Variants in NOTCH1 observed in about 807,000 individuals in gnomAD.
NOTCH1 encodes the protein neurogenic locus notch homolog protein 1.
A neutral mutation model predicts 254.8 loss-of-function variants in NOTCH1; 37 were observed. The observed-to-expected ratio is 0.15, with a 90% CI of 0.11 to 0.19. NOTCH1 has a LOEUF of 0.19. Ranked by LOEUF, NOTCH1 falls within the 10% of genes least tolerant of loss-of-function variation. The pLI is 1.00. For missense variants in NOTCH1, 2,972 were observed against 3,708.6 expected (o/e 0.80, Z 5.16); for synonymous variants, 1,731 against 1,618.1 (o/e 1.07, Z -1.68).
In NOTCH1 at chr9:136,523,737, C is replaced by A. The variant is rs754086897; in HGVS notation, c.383G>T (p.Arg128Leu). 7 of 1,609,064 alleles carry A rather than the reference C, an allele frequency of 4.4e-6. No homozygotes were observed. The Admixed American group carries it at 6.7e-5, about 15-fold the overall frequency. The change falls in exon 3 of 34, where the codon CGC (arginine) becomes CTC (leucine). Residue 128 changes from arginine to leucine, a missense_variant. Transcript: ENST00000651671. ...DLLTLTEYKC[R>L]CPPGWSGKSC... ...CTCACCTGACCAGCCGGGCGGGCAG[C>A]GGCACTTGTACTCCGTCAGCGTGAG...
chr9:136,511,861 G>C (rs9411253), intron 15 of NOTCH1, among the ~76,000 whole-genome samples: 12,817 of 152,266 alleles, frequency 0.084, 1,333 homozygotes, highest in East Asian at 0.55. Context: ...GGCCACGCAG[G>C]GTGTCTGGCA....
chr9:136,530,101 G>A (rs924195121), intron 2 of NOTCH1, among the ~76,000 whole-genome samples: 9 of 152,206 alleles, frequency 5.9e-5, no homozygotes, highest in African/African-American at 1.9e-4. Flanking sequence ...CCGCCGCTCC[G>A]GAGACAGCGG....
In NOTCH1 at chr9:136,500,620, T is replaced by C; in HGVS notation, c.5866A>G (p.Ile1956Val). ...GGGGTGCGGCCCATGTTGTCCTGGA[T>C]GTTGGCATCTGCGCTGGCCTCCAGC... Reference protein sequence around the residue: ...RLLEASADANIQDNMGRTPLH... With the variant: ...RLLEASADANVQDNMGRTPLH... Residue 1956 changes from isoleucine to valine, a missense_variant, in exon 31 of 34, where the codon ATC becomes GTC. By Grantham distance (29) the Ile-to-Val change is conservative (BLOSUM62 3). Around this residue, in one of 8 missense-constraint regions of NOTCH1, gnomAD observed 421 missense variants for 604.4 expected, o/e 0.70. Coordinates refer to ENST00000651671, the MANE Select transcript of NOTCH1 (RefSeq NM_017617.5). 1 of 1,612,124 alleles carries C rather than the reference T, an allele frequency of 6.2e-7. No homozygotes were observed. Among genetic ancestry groups the C allele is most frequent in the Non-Finnish European group, 8.5e-7 (1 of 1,179,872 alleles).
At position 136,507,440 on chromosome 9, in the gene NOTCH1, G is replaced by A. The variant is rs2133345384; in HGVS notation, c.3511-3C>T. 6.2e-7 allele frequency: 1 copy of A among 1,602,512 alleles called. No individual in the cohort carries two copies. Among genetic ancestry groups the A allele is most frequent in the Non-Finnish European group, 8.5e-7 (1 of 1,175,644 alleles). ...ACCCCGTGGTAGCCGGCCACGCACT[G>A]TGCAGGCGACAGAACGAGGGGCCCT... On this transcript the variant is annotated splice_polypyrimidine_tract_variant and splice_region_variant and intron_variant, in intron 21 of 33. Coordinates refer to ENST00000651671, the MANE Select transcript of NOTCH1 (RefSeq NM_017617.5).
chr9:136,509,891 G>T lies in NOTCH1; in HGVS notation c.2811C>A (p.Phe937Leu). ...TGTCCTCCTCACAGAAAGTGCCCCG[G>T]AAGCCGGGCAGGCAGTCGCAGAAGG... ...NTAFCDCLPG[F>L]RGTFCEEDIN... is the part of the protein sequence containing the mutation. Residue 937 changes from phenylalanine to leucine, a missense_variant, in exon 18 of 34, where the codon TTC becomes TTA. Transcript: ENST00000651671. 6.2e-7 allele frequency: 1 copy of T among 1,613,234 alleles called. No homozygotes were observed. Among genetic ancestry groups the T allele is most frequent in the East Asian group, 2.2e-5 (1 of 44,892 alleles).
At chr9:136,509,315 C>T (rs893420224) in intron 18 of NOTCH1, among the ~76,000 whole-genome samples, 3 of 152,168 alleles carry the variant, frequency 2.0e-5, no homozygotes, top group Admixed American at 6.5e-5. Flanking sequence ...TTTTACCAAA[C>T]GCGTGGGCAT....
chr9:136,495,044 G>A lies in NOTCH1; in HGVS notation c.*1027C>T, dbSNP rs537067416. 3 of 398,918 alleles carry A rather than the reference G, an allele frequency of 7.5e-6. No individual in the cohort carries two copies. The highest frequency in any genetic ancestry group is 1.3e-5 in the Non-Finnish European group (3 of 226,128). 24.7% of individuals were successfully genotyped at this position (398,918 alleles called of 1,614,324 possible). A position where few individuals can be genotyped will look rare whatever the true frequency, so the allele number is the denominator to read the frequency against. ...TCCTACAAAACACGGGAGCCCACGG[G>A]GGGTCGGGTCCCGCGAGCTGGGGCC... On this transcript the variant is annotated 3_prime_UTR_variant, in exon 34 of 34. Coordinates refer to ENST00000651671, the MANE Select transcript of NOTCH1 (RefSeq NM_017617.5).
At chr9:136,533,289 G>A (rs1260881715) in intron 2 of NOTCH1, among the ~76,000 whole-genome samples, 9 of 145,704 alleles carry the variant, frequency 6.2e-5, no homozygotes, top group African/African-American at 1.0e-4. Context: ...CCCCCTCCGC[G>A]CACCAGCCAG....
intron 2 of NOTCH1, chr9:136,543,469 C>T: frequency 7.6e-6 from 2 of 262,928 alleles, no homozygotes; most frequent in South Asian, 3.3e-5. Context: ...GGAGGCATTG[C>T]CGCCAGCCCA....
At chr9:136,526,818 G>C (rs952939659) in intron 2 of NOTCH1, among the ~76,000 whole-genome samples, 1 of 152,210 alleles carries the variant, frequency 6.6e-6, no homozygotes, top group South Asian at 2.1e-4. Context: ...GTCGGTGCTC[G>C]GACAAAGGGC....
At chr9:136,518,318 G>T in intron 6 of NOTCH1, 26 bp from the exon 7 acceptor site, 1 of 1,601,122 alleles carries the variant, frequency 6.2e-7, no homozygotes, top group Non-Finnish European at 8.5e-7. Context: ...CGGTCAGTGG[G>T]CACGGCCCCT....
intron 15 of NOTCH1, among the ~76,000 whole-genome samples, 168 bp downstream of exon 15, chr9:136,512,852 AG>A (rs1276239793): frequency 6.6e-6 from 1 of 152,074 alleles, no homozygotes; most frequent in Non-Finnish European, 1.5e-5. Flanking sequence ...ACCTTCTGGA[AG>A]GCCCCGCCCC....
At position 136,504,664 on chromosome 9, in the gene NOTCH1, C is replaced by G. The variant is rs1285170018; in HGVS notation, c.5018+9G>C. 5 of 1,501,464 alleles carry G rather than the reference C, an allele frequency of 3.3e-6. No homozygotes were observed. The highest frequency in any genetic ancestry group is 3.6e-6 in the Non-Finnish European group (4 of 1,122,314). The allele number at this position is 1,501,464 out of a possible 1,614,324, so 93.0% of individuals were successfully genotyped here. On this transcript the variant is annotated intron_variant, in intron 26 of 33. Transcript: ENST00000651671. ...CGGGGATTGACCGTGGGCGCCGGGT[C>G]TCACTCACCCGCGGACGTCCATGGG...
chr9:136,508,475 A>T, intron 19 of NOTCH1, 90 bp from the exon 20 acceptor site: 3 of 1,570,552 alleles, frequency 1.9e-6, no homozygotes, highest in Non-Finnish European at 2.6e-6. Flanking sequence ...GCCTACTCCA[A>T]CCCAGGCTGC....
chr9:136,499,096 G>A lies in NOTCH1; in HGVS notation c.6082+16C>T, dbSNP rs769526658. 3.7e-6 allele frequency: 6 copies of A among 1,612,750 alleles called. No individual in the cohort carries two copies. The highest frequency in any genetic ancestry group is 5.1e-6 in the Non-Finnish European group (6 of 1,179,980). On this transcript the variant is annotated intron_variant, in intron 32 of 33. Transcript: ENST00000651671. ...TCCCGCCCCACGACAGAGCAGCCGTGCCCCCGTGGGCTCACCCAGGTCATC... is the reference window on the plus strand; with the variant it reads ...TCCCGCCCCACGACAGAGCAGCCGTACCCCCGTGGGCTCACCCAGGTCATC...
Position 136,508,242 on chromosome 9 carries a change from C to A in NOTCH1, c.3315G>T (p.Ala1105=), listed in dbSNP as rs3812602. ...DVPSVSCEVA[A]QRQGVDVARL... The stretch of plus-strand genomic sequence containing the variant: ...GGCACAGCAGGTTACCTTGTCGCTG[C>A]GCAGCCACCTCACAGGACACGCTGG... Residue 1105 remains alanine, a synonymous_variant, in exon 20 of 34, where the codon GCG becomes GCT. Transcript: ENST00000651671. The A allele has an allele frequency of 8.3e-4, 1,336 of 1,611,658 alleles. 19 individuals carry two copies. The East Asian group carries it at 0.025, about 30-fold the overall frequency.
chr9:136,507,922 G>A (rs752968644), intron 21 of NOTCH1, 33 bp downstream of exon 21: 87 of 1,607,782 alleles, frequency 5.4e-5, no homozygotes, highest in Non-Finnish European at 6.7e-5. Context: ...CACTCGTGCC[G>A]GCCACAACCC....
At chr9:136,544,262 G>A (rs1178051460) in intron 1 of NOTCH1, among the ~76,000 whole-genome samples, 160 bp from the exon 2 acceptor site, 2 of 152,212 alleles carry the variant, frequency 1.3e-5, no homozygotes, top group East Asian at 3.8e-4. Context: ...TGGGGCACGG[G>A]TCCGCAGGAA....
In NOTCH1 at chr9:136,515,985, C is replaced by T. The variant is rs148331061; in HGVS notation, c.1665G>A (p.Thr555=). The T allele has an allele frequency of 0.012, 19,238 of 1,609,178 alleles. 190 individuals are homozygous for T. Among genetic ancestry groups the T allele is most frequent in the Non-Finnish European group, 0.013 (15,807 of 1,178,374 alleles). ...CTGGTGGGCGCCAGCCCGCACCTTC[C>T]GTGCACACACAGGTGTAAGTGTTGG... ...DGPNTYTCVC[T]EGYTGTHCEV... The change falls in exon 10 of 34, where the codon ACG becomes ACA. Residue 555 remains threonine (T), a synonymous_variant. Coordinates refer to ENST00000651671, the MANE Select transcript of NOTCH1 (RefSeq NM_017617.5).
Sources: allele counts gnomAD v4.1 joint callset (sites outside exome capture counted in the v4.1 genomes callset), GRCh38; gene constraint gnomAD v4.1.1; regional missense constraint gnomAD v4.1.1; transcripts MANE v1.5; gene names NCBI Gene and HGNC (gene_info 2026-07-23, HGNC 2026-07-21).